LRP8: variants seen among roughly 807,000 people sequenced by gnomAD.
LRP8 encodes LDL receptor related protein 8.
A neutral mutation model predicts 111.6 loss-of-function variants in LRP8; 46 were observed. The observed-to-expected ratio is 0.41, with a 90% confidence interval of 0.33 to 0.53. The LOEUF is 0.53. LRP8 is among the 20% of genes least tolerant of loss of function. The pLI is 0.20. For synonymous variants in LRP8, 464 were observed against 511.2 expected (o/e 0.91, Z 1.24); for missense variants, 959 against 1,297.4 (o/e 0.74, Z 4.01).
chr1:53,280,842 C>T, intron 3 of LRP8, 127 bp from the exon 4 acceptor site: 8 of 1,189,402 alleles, frequency 6.7e-6, no homozygotes, highest in South Asian at 3.0e-5. Flanking sequence ...CTCTTCTGGC[C>T]CATGTCTCAG....
chr1:53,289,748 G>A (rs1006494451), intron 2 of LRP8, 59 bp from the exon 3 acceptor site: 51 of 1,598,174 alleles, frequency 3.2e-5, no homozygotes, highest in Admixed American at 2.0e-4. Context: ...GTGGTGGGCC[G>A]ACCAGGATGT....
rs1646880947 is a variant in LRP8, at chr1:53,275,210, A to C, written c.1006+421T>G. Among the ~76,000 whole-genome samples, 1 of 152,198 alleles carries C rather than the reference A, an allele frequency of 6.6e-6. No homozygotes were observed. The highest frequency in any genetic ancestry group is 6.5e-5 in the Admixed American group (1 of 15,290). Reference sequence around the variant, plus strand: ...CTGCCCAGCCTGTTATCCATTCCCCAAGATGACTAGTGAATGAGGGTCCCT... The same window carrying C: ...CTGCCCAGCCTGTTATCCATTCCCCCAGATGACTAGTGAATGAGGGTCCCT... On this transcript the variant is annotated intron_variant, in intron 6 of 18. Coordinates refer to ENST00000306052, the MANE Select transcript of LRP8 (RefSeq NM_004631.5). The surrounding 1 kb of genome is among the most constrained non-coding windows in gnomAD (Gnocchi z 4.4).
rs774920938 is a variant in LRP8 at position 53,303,916 on chromosome 1, TC to T, written c.245-14228del. On this transcript the variant is annotated intron_variant, in intron 2 of 18. Coordinates refer to ENST00000306052, the MANE Select transcript of LRP8 (RefSeq NM_004631.5). The surrounding 1 kb of genome is among the most constrained non-coding windows in gnomAD (Gnocchi z 4.3). ...AGGGAAATAAGCTCTCAACAGGAGA[TC>T]CCCACTTTGTACAAATGGATTTTTC... Among the ~76,000 whole-genome samples, 52 of 152,240 alleles carry T rather than the reference TC, an allele frequency of 3.4e-4. No individual in the cohort carries two copies. The highest frequency in any genetic ancestry group is 6.2e-4 in the Non-Finnish European group (42 of 68,018).
intron 15 of LRP8, among the ~76,000 whole-genome samples, chr1:53,256,794 C>T (rs1362807674): frequency 6.6e-6 from 1 of 152,182 alleles, no homozygotes; most frequent in Non-Finnish European, 1.5e-5. Context: ...TATCTGGGGA[C>T]CTGCTGTGAA....
chr1:53,280,555 G>A, intron 4 of LRP8, 32 bp downstream of exon 4: 1 of 1,605,852 alleles, frequency 6.2e-7, no homozygotes, highest in Non-Finnish European at 8.5e-7. Context: ...GACCATGCTT[G>A]GCAGACCCTG....
intron 2 of LRP8, among the ~76,000 whole-genome samples, chr1:53,295,865 CT>C (rs1296185461): frequency 6.6e-6 from 1 of 152,208 alleles, no homozygotes; most frequent in Non-Finnish European, 1.5e-5. Context: ...TAGGAAAACA[CT>C]GCTGGGGCAC....
rs752960134 is a variant in LRP8 at position 53,249,410 on chromosome 1, A to T, written c.2823T>A (p.Pro941=). The T allele has an allele frequency of 1.9e-6, 3 of 1,614,058 alleles. No homozygotes were observed. The African/African-American group carries it at 4.0e-5, about 22-fold the overall frequency. ...ATTTGACGACAGGCAGCTCGGAAAG[A>T]GGGTTCTTCGGGAGTTGGTGCAGCT... ...RSQLHQLPKN[P]LSELPVVKSK... Residue 941 remains proline, a synonymous_variant, in exon 18 of 19, where the codon CCT becomes CCA. Coordinates refer to ENST00000306052, the MANE Select transcript of LRP8 (RefSeq NM_004631.5). This position sits in a 1 kb window ranked among gnomAD's most constrained non-coding sequence, Gnocchi z 4.1.
chr1:53,257,574 C>G, intron 14 of LRP8, 110 bp from the exon 15 acceptor site: 1 of 781,848 alleles, frequency 1.3e-6, no homozygotes, highest in Non-Finnish European at 2.1e-6. Flanking sequence ...TCAAATGCCA[C>G]TTCTGTGAAG....
At position 53,266,451 on chromosome 1, in the gene LRP8, T is replaced by A; in HGVS notation, c.1427+22A>T. 6.2e-7 allele frequency: 1 copy of A among 1,611,084 alleles called. No homozygotes were observed. The highest frequency in any genetic ancestry group is 8.5e-7 in the Non-Finnish European group (1 of 1,177,542). ...CTCACCCCCACTCTTCATGCCTTGC[T>A]GCAGAGGATATGGCCGCTCACCTAT... On this transcript the variant is annotated intron_variant, in intron 9 of 18. Coordinates refer to ENST00000306052, the MANE Select transcript of LRP8 (RefSeq NM_004631.5). This position sits in a 1 kb window ranked among gnomAD's most constrained non-coding sequence, Gnocchi z 5.0.
rs529036360 is a variant in LRP8 at position 53,315,596 on chromosome 1, C to T, written c.244+11277G>A. 3.3e-5 allele frequency among the ~76,000 whole-genome samples: 5 copies of T among 152,306 alleles called. No individual in the cohort carries two copies. In the South Asian group the frequency reaches 1.0e-3, roughly 32 times the overall value. ...CGGCCTGGTAGGGCCCTGCTGTTAT[C>T]CATGTCGTGATAGATCCTCTCCTGG... On this transcript the variant is annotated intron_variant, in intron 2 of 18. Transcript: ENST00000306052.
intron 2 of LRP8, among the ~76,000 whole-genome samples, chr1:53,322,940 A>G (rs754584523): frequency 3.2e-4 from 48 of 152,278 alleles, no homozygotes; most frequent in Middle Eastern, 3.4e-3. Context: ...ACTCTTTATT[A>G]AACCTGGGAT....
At chr1:53,258,820 T>C (rs1400573572) in intron 13 of LRP8, among the ~76,000 whole-genome samples, 2 of 152,096 alleles carry the variant, frequency 1.3e-5, no homozygotes, top group Non-Finnish European at 1.5e-5. Flanking sequence ...TGCCCCTGTG[T>C]ACTCATAGCT....
At position 53,250,390 on chromosome 1, in the gene LRP8, C is replaced by T. The variant is rs192238309; in HGVS notation, c.2676+300G>A. Among the ~76,000 whole-genome samples the T allele has an allele frequency of 2.6e-3, 390 of 152,256 alleles. 1 individual carries two copies. The highest frequency in any genetic ancestry group is 4.7e-3 in the Non-Finnish European group (318 of 68,030). On this transcript the variant is annotated intron_variant, in intron 17 of 18. Coordinates refer to ENST00000306052, the MANE Select transcript of LRP8 (RefSeq NM_004631.5). This position sits in a 1 kb window ranked among gnomAD's most constrained non-coding sequence, Gnocchi z 4.6. ...TGGTCCTGATACCTTTTTACCTTAA[C>T]CACCTACCCCAGCATTTCTGTGTTC...
rs982178193 is a variant in LRP8, at chr1:53,294,345, G to T, written c.245-4656C>A. On this transcript the variant is annotated intron_variant, in intron 2 of 18. Coordinates refer to ENST00000306052, the MANE Select transcript of LRP8 (RefSeq NM_004631.5). The surrounding 1 kb of genome is among the most constrained non-coding windows in gnomAD (Gnocchi z 4.1). The stretch of plus-strand genomic sequence containing the variant: ...GCTGACCCCAGGGTAGAGTAGGGGA[G>T]AGTGGGAAATCCAGGACAAAGGAAG... 3.9e-5 allele frequency among the ~76,000 whole-genome samples: 6 copies of T among 152,344 alleles called. No individual in the cohort carries two copies. The highest frequency in any genetic ancestry group is 1.9e-4 in the East Asian group (1 of 5,182).
At chr1:53,290,497 AG>A (rs1206499195) in intron 2 of LRP8, among the ~76,000 whole-genome samples, 6 of 152,144 alleles carry the variant, frequency 3.9e-5, no homozygotes, top group Admixed American at 6.5e-5. Flanking sequence ...TGTTGTTTTC[AG>A]GGTTTGAGTC....
intron 3 of LRP8, among the ~76,000 whole-genome samples, chr1:53,280,973 C>T (rs138716067): frequency 2.1e-3 from 317 of 152,312 alleles, no homozygotes; most frequent in African/African-American, 7.2e-3. Flanking sequence ...CCCTTTGATC[C>T]ATTGACTTCT....
chr1:53,315,362 C>T (rs1253827997), intron 2 of LRP8, among the ~76,000 whole-genome samples: 1 of 152,166 alleles, frequency 6.6e-6, no homozygotes, highest in Admixed American at 6.5e-5. Flanking sequence ...AGAAGGAGGT[C>T]AAAAGAAGCC....
intron 15 of LRP8, among the ~76,000 whole-genome samples, chr1:53,255,488 C>T (rs1053062820): frequency 6.6e-6 from 1 of 152,160 alleles, no homozygotes; most frequent in Non-Finnish European, 1.5e-5. Flanking sequence ...CTTTCCATAG[C>T]ATCATGGTAG....
At chr1:53,327,049 T>C (rs199754504) in intron 1 of LRP8, 57 bp from the exon 2 acceptor site, 39 of 1,594,946 alleles carry the variant, frequency 2.4e-5, no homozygotes, top group Admixed American at 1.0e-4. Context: ...CTCCCCACCA[T>C]GCAGTCCGGG....
Sources: allele counts gnomAD v4.1 joint callset (sites outside exome capture counted in the v4.1 genomes callset), GRCh38; gene constraint gnomAD v4.1.1; non-coding constraint Gnocchi (gnomAD v3.1); transcripts MANE v1.5; gene names NCBI Gene and HGNC (gene_info 2026-07-23, HGNC 2026-07-21).